NCAM2: variants seen among roughly 807,000 people sequenced by gnomAD.
NCAM2 encodes the protein N-CAM-2.
Under a neutral mutation model 98.1 loss-of-function variants are expected in NCAM2, and 30 were observed. The observed-to-expected ratio is 0.31, with a 90% CI of 0.23 to 0.41. The LOEUF (loss-of-function observed/expected upper bound fraction) is 0.41, where lower values mean the gene tolerates loss of function less well. Among genes scored for constraint, NCAM2 ranks in the 10% least tolerant of loss-of-function variants. NCAM2 has a pLI of 1.00. For synonymous variants in NCAM2, 368 were observed against 342.4 expected (o/e 1.07, Z -0.83); for missense variants, 867 against 1,005.8 (o/e 0.86, Z 1.87).
At chr21:21,313,544 G>T (rs181955196) in intron 5 of NCAM2, among the ~76,000 whole-genome samples, 348 of 151,664 alleles carry the variant, frequency 2.3e-3, no homozygotes, top group African/African-American at 8.0e-3. Context: ...CATTTGAATG[G>T]CATATTTTTT....
intron 4 of NCAM2, among the ~76,000 whole-genome samples, chr21:21,286,783 G>C (rs955971976): frequency 6.6e-6 from 1 of 151,768 alleles, no homozygotes; most frequent in African/African-American, 2.4e-5. Context: ...TTACAGAAAA[G>C]GTTTGCAGAC....
At chr21:21,068,968 A>G (rs1212967426) in intron 1 of NCAM2, among the ~76,000 whole-genome samples, 1 of 152,162 alleles carries the variant, frequency 6.6e-6, no homozygotes, top group Non-Finnish European at 1.5e-5. Flanking sequence ...CTTTCCTGGA[A>G]TCACTCTGCT....
intron 3 of NCAM2, among the ~76,000 whole-genome samples, chr21:21,285,771 A>G (rs903751814): frequency 5.3e-5 from 8 of 151,970 alleles, no homozygotes; most frequent in Non-Finnish European, 8.8e-5. Flanking sequence ...AAACTGAAAC[A>G]GATACATAGA....
intron 1 of NCAM2, among the ~76,000 whole-genome samples, chr21:21,263,070 T>G (rs1448543256): frequency 6.6e-6 from 1 of 152,084 alleles, no homozygotes; most frequent in Non-Finnish European, 1.5e-5. Context: ...AAATTATCCC[T>G]CTTCTCTGAC....
chr21:21,393,078 G>A (rs765168136), intron 9 of NCAM2, among the ~76,000 whole-genome samples: 6 of 151,808 alleles, frequency 4.0e-5, no homozygotes, highest in Admixed American at 6.6e-5. Context: ...TATACTTTTG[G>A]GATTTACATA....
At chr21:21,102,108 G>GC (rs1295166057) in intron 1 of NCAM2, among the ~76,000 whole-genome samples, 2 of 151,930 alleles carry the variant, frequency 1.3e-5, no homozygotes, top group Non-Finnish European at 2.9e-5. Context: ...TGATGAGAGA[G>GC]CCCCCTGCTG....
At chr21:21,302,264 C>G (rs2073739393) in intron 5 of NCAM2, among the ~76,000 whole-genome samples, 1 of 152,052 alleles carries the variant, frequency 6.6e-6, no homozygotes, top group South Asian at 2.1e-4. Flanking sequence ...TTATTTGAAT[C>G]TTTAAACCAT....
intron 1 of NCAM2, among the ~76,000 whole-genome samples, chr21:21,113,749 T>C (rs2066498606): frequency 6.6e-6 from 1 of 152,208 alleles, no homozygotes; most frequent in Admixed American, 6.5e-5. Flanking sequence ...CTATTTTGTA[T>C]TGTAAATGTT....
At chr21:21,279,147 A>G (rs952524373) in intron 1 of NCAM2, among the ~76,000 whole-genome samples, 5 of 152,178 alleles carry the variant, frequency 3.3e-5, no homozygotes, top group African/African-American at 1.2e-4. Flanking sequence ...TAGTTTTTCC[A>G]GGTTGAAGTT....
intron 1 of NCAM2, among the ~76,000 whole-genome samples, chr21:21,017,047 A>G (rs909276520): frequency 6.6e-6 from 1 of 152,178 alleles, no homozygotes; most frequent in Non-Finnish European, 1.5e-5. Context: ...TCTTTTCAAG[A>G]GTATGTAGGA....
chr21:21,401,788 G>T (rs192272071), intron 9 of NCAM2, among the ~76,000 whole-genome samples: 2 of 152,186 alleles, frequency 1.3e-5, no homozygotes, highest in Non-Finnish European at 2.9e-5. Flanking sequence ...CATACTAATT[G>T]AAGTTCCTTT....
At position 21,286,250 on chromosome 21, in the gene NCAM2, T is replaced by C; in HGVS notation, c.338-19T>C. On this transcript the variant is annotated intron_variant, in intron 3 of 17. Transcript: ENST00000400546. ...TTTGTGATTTGTGATTTGTGATTTG[T>C]TTTACTTTGTTGATACAGAAAAACT... is the stretch of plus-strand genomic sequence containing the variant. 6.4e-7 allele frequency: 1 copy of C among 1,565,732 alleles called. No homozygotes were observed. The highest frequency in any genetic ancestry group is 8.7e-7 in the Non-Finnish European group (1 of 1,152,804).
At chr21:21,090,902 C>A (rs1255778004) in intron 1 of NCAM2, among the ~76,000 whole-genome samples, 3 of 152,196 alleles carry the variant, frequency 2.0e-5, no homozygotes, top group African/African-American at 7.2e-5. Flanking sequence ...CTGATGAAAA[C>A]CATAAATCAA....
chr21:21,336,606 G>A (rs1312345329), intron 7 of NCAM2, among the ~76,000 whole-genome samples: 1 of 152,056 alleles, frequency 6.6e-6, no homozygotes, highest in African/African-American at 2.4e-5. Context: ...CAGGTGCAGA[G>A]TGCCCCTTAC....
chr21:21,343,548 C>T (rs1181052814), intron 8 of NCAM2, among the ~76,000 whole-genome samples: 3 of 152,128 alleles, frequency 2.0e-5, no homozygotes, highest in Non-Finnish European at 4.4e-5. Flanking sequence ...GACATGGTGT[C>T]GAGAGCTTCT....
At chr21:21,019,347 G>C (rs2064381611) in intron 1 of NCAM2, among the ~76,000 whole-genome samples, 1 of 151,906 alleles carries the variant, frequency 6.6e-6, no homozygotes, top group South Asian at 2.1e-4. Context: ...ATTTTTATTT[G>C]TAGACATGCA....
chr21:21,250,489 G>A (rs1601765418), intron 1 of NCAM2, among the ~76,000 whole-genome samples: 1 of 152,092 alleles, frequency 6.6e-6, no homozygotes, highest in Non-Finnish European at 1.5e-5. Context: ...CTAACAATAA[G>A]CAAAGAAATT....
chr21:21,277,206 T>A (rs896118047), intron 1 of NCAM2, among the ~76,000 whole-genome samples: 1 of 152,136 alleles, frequency 6.6e-6, no homozygotes, highest in Non-Finnish European at 1.5e-5. Context: ...AACTAGCACA[T>A]GATAAGCTCT....
chr21:21,422,230 A>C (rs1281072626), intron 11 of NCAM2, among the ~76,000 whole-genome samples: 1 of 152,324 alleles, frequency 6.6e-6, no homozygotes, highest in South Asian at 2.1e-4. Flanking sequence ...CAAATACTGC[A>C]TGTTCTCACT....
Sources: gnomAD v4.1 joint callset for allele counts (sites outside exome capture counted in the v4.1 genomes callset) on GRCh38, gnomAD v4.1.1 for gene constraint, MANE v1.5 for transcripts, NCBI Gene and HGNC (gene_info 2026-07-23, HGNC 2026-07-21) for gene names.